Variants in PDE4D observed in about 807,000 individuals in gnomAD.
PDE4D encodes the protein phosphodiesterase 4D, also known as 3',5'-cyclic-AMP phosphodiesterase 4D.
PDE4D carries 24 observed loss-of-function variants against 87.4 expected under a neutral mutation model. That is an observed-to-expected ratio of 0.27 (90% CI 0.20 to 0.39). PDE4D has a LOEUF of 0.39. PDE4D is among the 10% of genes least tolerant of loss of function. PDE4D has a pLI of 1.00. For synonymous variants in PDE4D, 384 were observed against 383.2 expected (o/e 1.00, Z -0.02); for missense variants, 714 against 1,041.0 (o/e 0.69, Z 4.32).
chr5:60,101,459 G>A (rs1031723569), intron 2 of PDE4D, among the ~76,000 whole-genome samples: 3 of 151,884 alleles, frequency 2.0e-5, no homozygotes, highest in Non-Finnish European at 4.4e-5. Flanking sequence ...GTCTAACATC[G>A]TTTCTGAAGT....
At position 59,711,772 on chromosome 5, in the gene PDE4D, C is replaced by T. The variant is rs1379767068; in HGVS notation, c.455+181396G>A. On this transcript the variant is annotated intron_variant, in intron 1 of 14. Coordinates refer to ENST00000340635, the MANE Select transcript of PDE4D (RefSeq NM_001104631.2). Reference sequence around the variant, plus strand: ...TTTTGTATATTATGATATATTACTTCTTGTTGACATCTCAACCAGAAAAAA... The same window carrying T: ...TTTTGTATATTATGATATATTACTTTTTGTTGACATCTCAACCAGAAAAAA... Among the ~76,000 whole-genome samples the T allele has an allele frequency of 3.3e-5, 5 of 152,016 alleles. No homozygotes were observed. The East Asian group carries it at 9.6e-4, about 29-fold the overall frequency.
intron 1 of PDE4D, among the ~76,000 whole-genome samples, chr5:59,642,567 T>C (rs1041114426): frequency 6.6e-6 from 1 of 152,192 alleles, no homozygotes; most frequent in Non-Finnish European, 1.5e-5. Flanking sequence ...GTTTCCACTT[T>C]TGCATCTTCC....
intron 1 of PDE4D, among the ~76,000 whole-genome samples, chr5:59,339,157 C>T (rs1778268122): frequency 6.6e-6 from 1 of 152,222 alleles, no homozygotes; most frequent in South Asian, 2.1e-4. Flanking sequence ...ATTTCTTTGA[C>T]TCCCTTTGGA....
At chr5:60,051,968 ACACCCTTTCAAG>A (rs1770215436) in intron 2 of PDE4D, among the ~76,000 whole-genome samples, 1 of 152,222 alleles carries the variant, frequency 6.6e-6, no homozygotes, top group African/African-American at 2.4e-5. Flanking sequence ...CTGGACACAT[ACACCCTTTCAAG>A]ACTAAATCAG....
intron 1 of PDE4D, among the ~76,000 whole-genome samples, chr5:59,499,811 C>G (rs1237570196): frequency 6.6e-6 from 1 of 150,540 alleles, no homozygotes; most frequent in Non-Finnish European, 1.5e-5. Context: ...AGCCCTGAAC[C>G]AAATGGATTC....
At chr5:59,501,307 T>A (rs563613956) in intron 1 of PDE4D, among the ~76,000 whole-genome samples, 1 of 152,184 alleles carries the variant, frequency 6.6e-6, no homozygotes, top group Non-Finnish European at 1.5e-5. Context: ...GGAGATTACA[T>A]AATACATTTG....
intron 1 of PDE4D, among the ~76,000 whole-genome samples, chr5:59,739,900 T>C (rs1031848516): frequency 1.3e-5 from 2 of 152,334 alleles, no homozygotes; most frequent in African/African-American, 2.4e-5. Flanking sequence ...TATAGGATGG[T>C]ATGAAATAAC....
rs182286800 is a variant in PDE4D, at chr5:59,105,001, G to A, written c.809-66030C>T. Among the ~76,000 whole-genome samples the A allele has an allele frequency of 3.6e-4, 55 of 152,264 alleles. 1 individual carries two copies. The highest frequency in any genetic ancestry group is 1.1e-3 in the African/African-American group (47 of 41,552). ...ATACACATAGTATTTGAGCTGTTCC[G>A]CAAGACAGAAGCCAATTATTCTTGG... On this transcript the variant is annotated intron_variant, in intron 5 of 14. Transcript: ENST00000340635.
chr5:60,205,508 T>A (rs1265832604), intron 1 of PDE4D, among the ~76,000 whole-genome samples: 1 of 152,052 alleles, frequency 6.6e-6, no homozygotes, highest in African/African-American at 2.4e-5. Flanking sequence ...AAGCCAGCAT[T>A]CAAAGGGACA....
intron 1 of PDE4D, among the ~76,000 whole-genome samples, chr5:59,469,185 G>A (rs1802039581): frequency 6.6e-6 from 1 of 152,048 alleles, no homozygotes; most frequent in African/African-American, 2.4e-5. Context: ...AAAATTAGCA[G>A]GGCGTGGTAG....
chr5:60,327,462 C>T (rs1267572138), intron 1 of PDE4D, among the ~76,000 whole-genome samples: 1 of 152,128 alleles, frequency 6.6e-6, no homozygotes. Context: ...GATTAGACTG[C>T]CCTTTTTGCA....
At chr5:59,223,186 G>A (rs1752941787) in intron 1 of PDE4D, among the ~76,000 whole-genome samples, 1 of 151,802 alleles carries the variant, frequency 6.6e-6, no homozygotes, top group Non-Finnish European at 1.5e-5. Context: ...ATAACATCTG[G>A]GGAGGGTGGA....
At chr5:59,549,604 T>C (rs1817788770) in intron 1 of PDE4D, among the ~76,000 whole-genome samples, 2 of 152,280 alleles carry the variant, frequency 1.3e-5, no homozygotes, top group African/African-American at 4.8e-5. Context: ...CATGAAAATA[T>C]ATATAACCTA....
At chr5:59,131,085 T>C (rs1776186086) in intron 5 of PDE4D, among the ~76,000 whole-genome samples, 1 of 152,180 alleles carries the variant, frequency 6.6e-6, no homozygotes, top group Non-Finnish European at 1.5e-5. Flanking sequence ...TGCTCAATGA[T>C]ATTGTATTTC....
chr5:60,339,937 T>C (rs776408657), intron 1 of PDE4D, among the ~76,000 whole-genome samples: 3 of 152,210 alleles, frequency 2.0e-5, no homozygotes, highest in Admixed American at 1.3e-4. Context: ...GAGTCAAATC[T>C]CCTCCAAACC....
At chr5:59,272,381 A>G (rs2153541929) in intron 1 of PDE4D, among the ~76,000 whole-genome samples, 1 of 152,246 alleles carries the variant, frequency 6.6e-6, no homozygotes, top group East Asian at 1.9e-4. Flanking sequence ...TATGTAAGGT[A>G]ATATTTTCAT....
At chr5:59,347,032 T>C (rs1779722953) in intron 1 of PDE4D, among the ~76,000 whole-genome samples, 1 of 152,124 alleles carries the variant, frequency 6.6e-6, no homozygotes, top group Admixed American at 6.6e-5. Context: ...TCCACTAAAG[T>C]GGCCACTCTT....
At chr5:59,689,256 A>G (rs187775240) in intron 1 of PDE4D, among the ~76,000 whole-genome samples, 2 of 152,330 alleles carry the variant, frequency 1.3e-5, no homozygotes, top group African/African-American at 4.8e-5. Context: ...AGCCTGGCAG[A>G]GACACAACAA....
At chr5:59,765,189 T>G (rs1470190517) in intron 1 of PDE4D, among the ~76,000 whole-genome samples, 1 of 152,174 alleles carries the variant, frequency 6.6e-6, no homozygotes, top group Non-Finnish European at 1.5e-5. Context: ...AAGCAGATCT[T>G]GGATCCATGG....
Sources: allele counts gnomAD v4.1 joint callset (sites outside exome capture counted in the v4.1 genomes callset), GRCh38; gene constraint gnomAD v4.1.1; transcripts MANE v1.5; gene names NCBI Gene and HGNC (gene_info 2026-07-23, HGNC 2026-07-21).